The following CAD variants were observed in gnomAD, a reference collection of about 807,000 sequenced individuals.
CAD encodes carbamoyl-phosphate synthetase 2, aspartate transcarbamylase, and dihydroorotase.
CAD carries 81 observed loss-of-function variants against 237.2 expected under a neutral mutation model. The ratio of observed to expected loss-of-function variants is 0.34; its 90% CI spans 0.29 to 0.41. The LOEUF (loss-of-function observed/expected upper bound fraction) is 0.41. Ranked by LOEUF, CAD falls within the 10% of genes least tolerant of loss-of-function variation. The pLI is 1.00. For missense variants in CAD, 2,181 were observed against 2,951.7 expected (o/e 0.74, Z 6.05); for synonymous variants, 1,196 against 1,162.8 (o/e 1.03, Z -0.58).
chr2:27,235,634 C>T lies in CAD; in HGVS notation c.4068C>T (p.Gly1356=), dbSNP rs532575162. Residue 1356 remains glycine, a synonymous_variant, in exon 25 of 44, where the codon GGC becomes GGT. Coordinates refer to ENST00000264705, the MANE Select transcript of CAD (RefSeq NM_004341.5). The surrounding 1 kb of genome is among the most constrained non-coding windows in gnomAD (Gnocchi z 5.2). ...LGTADFYTEH[G]VKVTAVDWHF... Reference sequence around the variant, plus strand: ...CAGCTGACTTCTACACTGAGCATGGCGTCAAGGTGCAGGAACTCTGGCAAC... The same window carrying T: ...CAGCTGACTTCTACACTGAGCATGGTGTCAAGGTGCAGGAACTCTGGCAAC... 22 of 1,613,874 alleles carry T rather than the reference C, an allele frequency of 1.4e-5. No homozygotes were observed. The South Asian group carries it at 1.4e-4, about 10-fold the overall frequency.
At chr2:27,218,696 T>C (rs1295383234) in intron 2 of CAD, among the ~76,000 whole-genome samples, 2 of 152,102 alleles carry the variant, frequency 1.3e-5, no homozygotes, top group African/African-American at 2.4e-5. Flanking sequence ...TACAGTGAGG[T>C]TTCCCCTATT....
chr2:27,226,640 C>G lies in CAD; in HGVS notation c.2147C>G (p.Pro716Arg). The G allele has an allele frequency of 6.2e-7, 1 of 1,614,106 alleles. No homozygotes were observed. Among genetic ancestry groups the G allele is most frequent in the Non-Finnish European group, 8.5e-7 (1 of 1,180,040 alleles). ...AAGCTAGCATTGGGCATCCCTTTGC[C>G]TGAGCTCAGGTACGAGGATGAGGGA... is the stretch of plus-strand genomic sequence containing the variant. ...AAKLALGIPL[P>R]ELRNSVTGGT... The change falls in exon 14 of 44, where the codon CCT (proline) becomes CGT (arginine). Residue 716 changes from proline (P) to arginine (R), a missense_variant. By Grantham distance (103) the Pro-to-Arg change is moderately radical (BLOSUM62 -2). This residue lies in a region of CAD where 385 missense variants were observed against 535.1 expected (regional missense o/e 0.72). Transcript: ENST00000264705.
Position 27,232,045 on chromosome 2 carries a change from A to T in CAD, c.2466A>T (p.Ser822=). The change falls in exon 17 of 44, where the codon TCA becomes TCT. Residue 822 remains serine, a synonymous_variant. Transcript: ENST00000264705. The surrounding 1 kb of genome is among the most constrained non-coding windows in gnomAD (Gnocchi z 4.1). ...CAGCTGCTTTGTGGGCTGGTTATTCAGTGGACCGCCTGTATGAGCTCACAC... is the reference window on the plus strand; with the variant it reads ...CAGCTGCTTTGTGGGCTGGTTATTCTGTGGACCGCCTGTATGAGCTCACAC... ...VVAAALWAGY[S]VDRLYELTRI... 6.2e-7 allele frequency: 1 copy of T among 1,614,208 alleles called. No individual in the cohort carries two copies. The highest frequency in any genetic ancestry group is 8.5e-7 in the Non-Finnish European group (1 of 1,180,034).
Position 27,239,445 on chromosome 2 carries a change from G to A in CAD, c.5368G>A (p.Gly1790Arg). The stretch of plus-strand genomic sequence containing the variant: ...CACCGTCCGCCGTGTGGTCCTGCGA[G>A]GGGAGGTTGCCTATATCGATGGGCA... ...KGTVRRVVLR[G>R]EVAYIDGQVL... Residue 1790 changes from glycine to arginine, a missense_variant, in exon 33 of 44, where the codon GGG becomes AGG. By Grantham distance (125) the Gly-to-Arg change is moderately radical. This residue lies in a region of CAD where 478 missense variants were observed against 515.0 expected (regional missense o/e 0.93). Transcript: ENST00000264705. This position sits in a 1 kb window ranked among gnomAD's most constrained non-coding sequence, Gnocchi z 4.0. 1 of 1,614,042 alleles carries A rather than the reference G, an allele frequency of 6.2e-7. No individual in the cohort carries two copies. The highest frequency in any genetic ancestry group is 8.5e-7 in the Non-Finnish European group (1 of 1,179,980).
intron 22 of CAD, 79 bp from the exon 23 acceptor site, chr2:27,234,439 G>A (rs1218768344): frequency 7.1e-6 from 10 of 1,412,502 alleles, no homozygotes; most frequent in East Asian, 4.6e-5. Context: ...AGCTGAGGAC[G>A]GAGAGGAAGA....
At chr2:27,228,472 C>T (rs777070682) in intron 15 of CAD, among the ~76,000 whole-genome samples, 14 of 152,122 alleles carry the variant, frequency 9.2e-5, no homozygotes, top group Non-Finnish European at 1.3e-4. Context: ...GTAATTAATC[C>T]CAGCACTTTG....
chr2:27,234,263 C>T (rs1675899197), intron 22 of CAD, 37 bp downstream of exon 22: 1 of 1,562,948 alleles, frequency 6.4e-7, no homozygotes, highest in Non-Finnish European at 8.8e-7. Flanking sequence ...AGGGCCACAG[C>T]TCTTGCATGT....
Position 27,243,834 on chromosome 2 carries a change from T to C in CAD, c.*316T>C, listed in dbSNP as rs1441934757. The C allele has an allele frequency of 9.7e-6, 3 of 309,438 alleles. No individual in the cohort carries two copies. Among genetic ancestry groups the C allele is most frequent in the African/African-American group, 2.1e-5 (1 of 46,542 alleles). 19.2% of individuals were successfully genotyped at this position (309,438 alleles called of 1,614,324 possible). On this transcript the variant is annotated 3_prime_UTR_variant, in exon 44 of 44. Coordinates refer to ENST00000264705, the MANE Select transcript of CAD (RefSeq NM_004341.5). The stretch of plus-strand genomic sequence containing the variant: ...CTTTCTTTTAGAAAATTGAGCAGAT[T>C]CCCAAATTATAAGAGCAGCCTCACC...
In CAD at chr2:27,232,365, C is replaced by T. The variant is rs1572439214; in HGVS notation, c.2646-83C>T. 6.3e-7 allele frequency: 1 copy of T among 1,586,414 alleles called. No homozygotes were observed. The highest frequency in any genetic ancestry group is 1.9e-4 in the Middle Eastern group (1 of 5,264). On this transcript the variant is annotated intron_variant, in intron 17 of 43. Coordinates refer to ENST00000264705, the MANE Select transcript of CAD (RefSeq NM_004341.5). This position sits in a 1 kb window ranked among gnomAD's most constrained non-coding sequence, Gnocchi z 4.1. Reference sequence around the variant, plus strand: ...CCTTGGTTCCAAGGATATTTCCTCTCATCTGTGCCCTGGGGTCTCAACCCT... The same window carrying T: ...CCTTGGTTCCAAGGATATTTCCTCTTATCTGTGCCCTGGGGTCTCAACCCT...
chr2:27,229,126 C>T (rs1675596264), intron 15 of CAD, among the ~76,000 whole-genome samples: 1 of 150,984 alleles, frequency 6.6e-6, no homozygotes, highest in African/African-American at 2.4e-5. Context: ...CATCATACTG[C>T]TTAGGATGGT....
At chr2:27,217,823 G>T in intron 1 of CAD, 54 bp from the exon 2 acceptor site, 2 of 1,538,844 alleles carry the variant, frequency 1.3e-6, no homozygotes, top group African/African-American at 1.4e-5. Flanking sequence ...TCATCGCGCG[G>T]GGAGTGTTCC....
Position 27,230,572 on chromosome 2 carries a change from G to A in CAD, c.2288-896G>A, listed in dbSNP as rs185077633. On this transcript the variant is annotated intron_variant, in intron 15 of 43. Transcript: ENST00000264705. Reference sequence around the variant, plus strand: ...ACCCAGGAAGCAGAGGTTGCAGTGAGTCGAGACCGTGCCATTGCATTCCAG... The same window carrying A: ...ACCCAGGAAGCAGAGGTTGCAGTGAATCGAGACCGTGCCATTGCATTCCAG... Among the ~76,000 whole-genome samples, 28 of 152,150 alleles carry A rather than the reference G, an allele frequency of 1.8e-4. No homozygotes were observed. The East Asian group carries it at 5.2e-3, about 28-fold the overall frequency.
Position 27,221,298 on chromosome 2 carries a change from C to T in CAD, c.303C>T (p.Thr101=), listed in dbSNP as rs566722225. 2 of 1,591,192 alleles carry T rather than the reference C, an allele frequency of 1.3e-6. No homozygotes were observed. Among genetic ancestry groups the T allele is most frequent in the South Asian group, 1.2e-5 (1 of 86,742 alleles). The change falls in exon 3 of 44, where the codon ACC becomes ACT. Residue 101 remains threonine (T), a synonymous_variant. Coordinates refer to ENST00000264705, the MANE Select transcript of CAD (RefSeq NM_004341.5). The part of the protein sequence containing the change: ...CCPTPSHWSA[T]RTLHEWLQQH... Reference sequence around the variant, plus strand: ...CTACTCCCAGCCACTGGAGTGCCACCCGCACCCTGCATGAGTGGCTGCAGC... The same window carrying T: ...CTACTCCCAGCCACTGGAGTGCCACTCGCACCCTGCATGAGTGGCTGCAGC...
chr2:27,232,077 A>G lies in CAD; in HGVS notation c.2498A>G (p.Asp833Gly). ...VDRLYELTRI[D>G]RWFLHRMKRI... ...CGCCTGTATGAGCTCACACGCATCG[A>G]CCGCTGGTTCCTGCACCGAATGAAG... Residue 833 changes from aspartate (D) to glycine (G), a missense_variant, in exon 17 of 44, where the codon GAC becomes GGC. This residue lies in a region of CAD where 385 missense variants were observed against 535.1 expected (regional missense o/e 0.72). Transcript: ENST00000264705. This position sits in a 1 kb window ranked among gnomAD's most constrained non-coding sequence, Gnocchi z 4.1. 2 of 1,614,206 alleles carry G rather than the reference A, an allele frequency of 1.2e-6. No homozygotes were observed. Among genetic ancestry groups the G allele is most frequent in the Non-Finnish European group, 1.7e-6 (2 of 1,180,048 alleles).
At position 27,222,181 on chromosome 2, in the gene CAD, G is replaced by A. The variant is rs1270359793; in HGVS notation, c.353-13G>A. ...GTAGGAATGTGATCCCTAAGACTGT[G>A]CTATTTTGACAGGAGTAGACACTCG... On this transcript the variant is annotated splice_polypyrimidine_tract_variant and intron_variant, in intron 3 of 43. Transcript: ENST00000264705. The A allele has an allele frequency of 6.2e-7, 1 of 1,612,324 alleles. No individual in the cohort carries two copies. Among genetic ancestry groups the A allele is most frequent in the Non-Finnish European group, 8.5e-7 (1 of 1,178,662 alleles).
In CAD at chr2:27,217,373, T is replaced by A; in HGVS notation, c.-179T>A. Reference sequence around the variant, plus strand: ...CGCCTGTGTCCGCGCCGCCGCAGTCTCTGCTGCTGCCGCCAAGCGCGCCCG... The same window carrying A: ...CGCCTGTGTCCGCGCCGCCGCAGTCACTGCTGCTGCCGCCAAGCGCGCCCG... On this transcript the variant is annotated 5_prime_UTR_variant, in exon 1 of 44. Transcript: ENST00000264705. 1.7e-6 allele frequency: 1 copy of A among 599,684 alleles called. No individual in the cohort carries two copies. The highest frequency in any genetic ancestry group is 2.9e-6 in the Non-Finnish European group (1 of 339,112). The allele number at this position is 599,684 out of a possible 1,614,324, so 37.1% of individuals were successfully genotyped here.
At chr2:27,224,130 A>G in intron 8 of CAD, 101 bp downstream of exon 8, 1 of 976,196 alleles carries the variant, frequency 1.0e-6, no homozygotes, top group South Asian at 1.4e-5. Flanking sequence ...GATGTCTAGG[A>G]GGTTAAGGGT....
At chr2:27,223,871 C>G in intron 7 of CAD, 46 bp from the exon 8 acceptor site, 1 of 1,558,282 alleles carries the variant, frequency 6.4e-7, no homozygotes, top group Non-Finnish European at 8.9e-7. Flanking sequence ...CTGCCAGTGT[C>G]ATGCCAGGGA....
At position 27,240,949 on chromosome 2, in the gene CAD, G is replaced by C. The variant is rs762262469; in HGVS notation, c.5632G>C (p.Glu1878Gln). ...PKEKSSRKVA[E>Q]PELMGTPDGT... ...GGAGAAGTCCTCTCGGAAGGTAGCC[G>C]AGCCAGGTGAGACTCCACCCTGACA... is the stretch of plus-strand genomic sequence containing the variant. The change falls in exon 36 of 44, where the codon GAG becomes CAG. Residue 1878 changes from glutamate (E) to glutamine (Q), a missense_variant. Around this residue, in one of 12 missense-constraint regions of CAD, gnomAD observed 203 missense variants for 284.5 expected, o/e 0.71. Coordinates refer to ENST00000264705, the MANE Select transcript of CAD (RefSeq NM_004341.5). This position sits in a 1 kb window ranked among gnomAD's most constrained non-coding sequence, Gnocchi z 4.6. 5 of 1,613,902 alleles carry C rather than the reference G, an allele frequency of 3.1e-6. No homozygotes were observed. The highest frequency in any genetic ancestry group is 4.2e-6 in the Non-Finnish European group (5 of 1,179,996).
Sources: gnomAD v4.1 joint callset for allele counts (sites outside exome capture counted in the v4.1 genomes callset) on GRCh38, gnomAD v4.1.1 for gene constraint, gnomAD v4.1.1 regional missense constraint, Gnocchi (gnomAD v3.1) non-coding constraint, MANE v1.5 for transcripts, NCBI Gene and HGNC (gene_info 2026-07-23, HGNC 2026-07-21) for gene names.